The following AP3D1 variants were observed in gnomAD, a reference collection of about 807,000 sequenced individuals.
AP3D1 encodes AP-3 complex subunit delta-1.
A neutral mutation model predicts 147.6 loss-of-function variants in AP3D1; 51 were observed. The ratio of observed to expected loss-of-function variants is 0.35; its 90% CI spans 0.28 to 0.44. The LOEUF is 0.44. Ranked by LOEUF, AP3D1 falls within the 20% of genes least tolerant of loss-of-function variation. The probability of loss-of-function intolerance (pLI) is 1.00; values close to 1 mark genes in which losing one functional copy is unlikely to be tolerated. For missense variants in AP3D1, 1,421 were observed against 1,624.2 expected (o/e 0.87, Z 2.15); for synonymous variants, 760 against 663.0 (o/e 1.15, Z -2.25).
chr19:2,107,877 G>A (rs1026312908), intron 31 of AP3D1, among the ~76,000 whole-genome samples: 2 of 152,098 alleles, frequency 1.3e-5, no homozygotes, highest in African/African-American at 2.4e-5. Flanking sequence ...GGCACGCACC[G>A]CCACGCGTCA....
At chr19:2,108,885 G>T in intron 30 of AP3D1, 119 bp from the exon 31 acceptor site, 1 of 1,333,780 alleles carries the variant, frequency 7.5e-7, no homozygotes, top group Non-Finnish European at 1.0e-6. Flanking sequence ...GCCTGTAGGA[G>T]CAGGGTGTGG....
chr19:2,143,230 A>ATTTTTTT (rs776434810), intron 1 of AP3D1, among the ~76,000 whole-genome samples: 10 of 74,342 alleles, frequency 1.3e-4, no homozygotes, highest in Admixed American at 1.6e-4. Flanking sequence ...TGCCTGCCTA[A>ATTTTTTT]TTTTTTTTTT....
At chr19:2,121,978 G>C (rs2145072425) in intron 11 of AP3D1, 99 bp from the exon 12 acceptor site, 1 of 1,415,210 alleles carries the variant, frequency 7.1e-7, no homozygotes, top group East Asian at 2.6e-5. Context: ...ACCTCGGGAG[G>C]CTGCCTGGCC....
chr19:2,163,771 T>TACG (rs1568319369), intron 1 of AP3D1, among the ~76,000 whole-genome samples: 2 of 151,106 alleles, frequency 1.3e-5, no homozygotes, highest in African/African-American at 4.8e-5. Context: ...CGTGCGTACG[T>TACG]TCGTGCGTGC....
rs969743630 is a variant in AP3D1 at position 2,101,843 on chromosome 19, G to A, written c.*330C>T. On this transcript the variant is annotated 3_prime_UTR_variant, in exon 32 of 32. Coordinates refer to ENST00000643116, the MANE Select transcript of AP3D1 (RefSeq NM_001261826.3). ...CCTCACGTGGTGCCCATCAGGCCCT[G>A]GCCCAGGACAGGAGCCCCTGAAGCC... The A allele has an allele frequency of 3.2e-6, 1 of 309,088 alleles. No homozygotes were observed. The highest frequency in any genetic ancestry group is 6.1e-6 in the Non-Finnish European group (1 of 164,446). 19.1% of individuals were successfully genotyped at this position (309,088 alleles called of 1,614,324 possible). A position where few individuals can be genotyped will look rare whatever the true frequency, so the allele number is the denominator to read the frequency against.
intron 31 of AP3D1, among the ~76,000 whole-genome samples, chr19:2,106,990 G>A (rs968595930): frequency 2.6e-5 from 4 of 152,004 alleles, no homozygotes; most frequent in African/African-American, 9.7e-5. Flanking sequence ...CAGGCCGGAC[G>A]CAGTGGCTCA....
At chr19:2,106,750 C>T (rs1334376155) in intron 31 of AP3D1, among the ~76,000 whole-genome samples, 1 of 152,014 alleles carries the variant, frequency 6.6e-6, no homozygotes, top group Non-Finnish European at 1.5e-5. Flanking sequence ...ACAGAGGCTG[C>T]GATGTGGATG....
At chr19:2,161,766 T>C (rs1423858682) in intron 1 of AP3D1, among the ~76,000 whole-genome samples, 1 of 151,906 alleles carries the variant, frequency 6.6e-6, no homozygotes, top group African/African-American at 2.4e-5. Context: ...CTGGCCAACA[T>C]GGCGAGACCC....
intron 22 of AP3D1, 126 bp from the exon 23 acceptor site, chr19:2,113,539 C>G: frequency 1.9e-6 from 1 of 517,378 alleles, no homozygotes; most frequent in South Asian, 4.0e-5. Context: ...CTAGCTGGGC[C>G]TTGCAGAGCC....
At chr19:2,105,798 C>T (rs897674111) in intron 31 of AP3D1, among the ~76,000 whole-genome samples, 13 of 152,276 alleles carry the variant, frequency 8.5e-5, no homozygotes, top group African/African-American at 3.1e-4. Context: ...TCAGGCCCAG[C>T]AGAATGGCTG....
At chr19:2,109,615 G>T in intron 29 of AP3D1, 2 of 533,278 alleles carry the variant, frequency 3.8e-6, no homozygotes, top group East Asian at 6.1e-5. Context: ...TGGCTCCTTG[G>T]TCTCACCCCT....
At chr19:2,121,392 A>G in intron 12 of AP3D1, 81 bp from the exon 13 acceptor site, 2 of 1,521,934 alleles carry the variant, frequency 1.3e-6, no homozygotes, top group Non-Finnish European at 9.0e-7. Context: ...CCTGCTCCTG[A>G]GACAGAATCC....
chr19:2,104,358 G>A lies in AP3D1; in HGVS notation c.3553-2090C>T, dbSNP rs373219358. Among the ~76,000 whole-genome samples, 418 of 103,732 alleles carry A rather than the reference G, an allele frequency of 4.0e-3. 3 individuals carry two copies. The highest frequency in any genetic ancestry group is 0.012 in the African/African-American group (368 of 29,446). 68.1% of individuals were successfully genotyped at this position (103,732 alleles called of 152,430 possible). ...AATGCCGAGACCGCAACACTGAGAC[G>A]CCAACACCCAGACCCCAACGCCAAG... is the stretch of plus-strand genomic sequence containing the variant. On this transcript the variant is annotated intron_variant, in intron 31 of 31. Transcript: ENST00000643116.
Position 2,123,814 on chromosome 19 carries a change from C to T in AP3D1, c.906+16G>A. Reference sequence around the variant, plus strand: ...CAGTGTGGGACCCCATGGGCCCCGCCCAGTGCGGGACGTACCTGGATGCTG... The same window carrying T: ...CAGTGTGGGACCCCATGGGCCCCGCTCAGTGCGGGACGTACCTGGATGCTG... On this transcript the variant is annotated intron_variant, in intron 10 of 31. Coordinates refer to ENST00000643116, the MANE Select transcript of AP3D1 (RefSeq NM_001261826.3). The T allele has an allele frequency of 6.4e-7, 1 of 1,563,378 alleles. No homozygotes were observed. Among genetic ancestry groups the T allele is most frequent in the East Asian group, 2.4e-5 (1 of 41,660 alleles).
At chr19:2,160,050 C>A (rs2019683518) in intron 1 of AP3D1, among the ~76,000 whole-genome samples, 1 of 150,892 alleles carries the variant, frequency 6.6e-6, no homozygotes, top group African/African-American at 2.4e-5. Context: ...GGGGTTTCAC[C>A]ATGTTGGTCA....
At chr19:2,141,509 C>A (rs1162515043) in intron 1 of AP3D1, among the ~76,000 whole-genome samples, 1 of 131,398 alleles carries the variant, frequency 7.6e-6, no homozygotes, top group African/African-American at 2.9e-5. Flanking sequence ...TCTCGGCTCA[C>A]TGCAACCTCC....
At chr19:2,114,669 C>T in intron 21 of AP3D1, 79 bp downstream of exon 21, 1 of 1,305,346 alleles carries the variant, frequency 7.7e-7, no homozygotes, top group Admixed American at 1.7e-5. Flanking sequence ...GAGCCCGGCC[C>T]CACCCGGAAG....
At chr19:2,139,475 C>T (rs1419095867) in intron 1 of AP3D1, among the ~76,000 whole-genome samples, 2 of 152,204 alleles carry the variant, frequency 1.3e-5, no homozygotes, top group African/African-American at 4.8e-5. Flanking sequence ...AATTCTGACC[C>T]AAGCGAACTC....
intron 25 of AP3D1, 90 bp downstream of exon 25, chr19:2,111,589 C>G: frequency 6.8e-7 from 1 of 1,463,682 alleles, no homozygotes; most frequent in Non-Finnish European, 9.2e-7. Flanking sequence ...CTGCTCAGTT[C>G]TCTCCCGCAT....
Sources: gnomAD v4.1 joint callset for allele counts (sites outside exome capture counted in the v4.1 genomes callset) on GRCh38, gnomAD v4.1.1 for gene constraint, MANE v1.5 for transcripts, NCBI Gene and HGNC (gene_info 2026-07-23, HGNC 2026-07-21) for gene names.